TM2D1: variants seen among roughly 807,000 people sequenced by gnomAD.
TM2D1 encodes TM2 domain-containing protein 1.
TM2D1 carries 15 observed loss-of-function variants against 28.4 expected under a neutral mutation model. The observed-to-expected ratio is 0.53, with a 90% confidence interval of 0.35 to 0.81. The LOEUF (loss-of-function observed/expected upper bound fraction) is 0.81, where lower values mean the gene tolerates loss of function less well. TM2D1 is among the 40% of genes least tolerant of loss of function. The pLI is 0.01. For missense variants in TM2D1, 236 were observed against 254.9 expected, an observed-to-expected ratio of 0.93 and a Z score of 0.50; for synonymous variants, 93 against 96.2, an observed-to-expected ratio of 0.97 and a Z score of 0.20.
rs370152647 is a variant in TM2D1 at position 61,690,874 on chromosome 1, G to A, written c.513+3823C>T. ...AACATACTTTACCAGTCTGTTAAAT[G>A]TATTTATAAAATTCATAAATGTTTC... On this transcript the variant is annotated intron_variant, in intron 5 of 6. Transcript: ENST00000606498. Among the ~76,000 whole-genome samples the A allele has an allele frequency of 2.2e-4, 33 of 152,140 alleles. No homozygotes were observed. In the South Asian group the frequency reaches 5.0e-3, roughly 23 times the overall value.
At chr1:61,687,531 G>A (rs1644292681) in intron 5 of TM2D1, among the ~76,000 whole-genome samples, 1 of 151,992 alleles carries the variant, frequency 6.6e-6, no homozygotes, top group Non-Finnish European at 1.5e-5. Context: ...TATATACTTA[G>A]GTGGTATTCT....
At chr1:61,686,808 T>C in intron 5 of TM2D1, 2 of 972,608 alleles carry the variant, frequency 2.1e-6, no homozygotes, top group Non-Finnish European at 2.4e-6. Flanking sequence ...AAATATCCCA[T>C]ACTGGATGGG....
rs7528841 is a variant in TM2D1 at position 61,717,164 on chromosome 1, C to G, written c.238+6549G>C. On this transcript the variant is annotated intron_variant, in intron 2 of 6. Coordinates refer to ENST00000606498, the MANE Select transcript of TM2D1 (RefSeq NM_032027.3). ...GAGATCGAGACCATCCTGGCTAACA[C>G]GGTGAAACCCCTTCTCTACTAAAAA... 2.0e-5 allele frequency among the ~76,000 whole-genome samples: 3 copies of G among 151,404 alleles called. No individual in the cohort carries two copies. In the South Asian group the frequency reaches 6.3e-4, roughly 32 times the overall value.
intron 5 of TM2D1, among the ~76,000 whole-genome samples, chr1:61,690,222 C>T (rs1243407897): frequency 6.6e-6 from 1 of 151,930 alleles, no homozygotes; most frequent in Non-Finnish European, 1.5e-5. Flanking sequence ...TTTGGGAGGC[C>T]AAGGTGGGTG....
chr1:61,720,066 C>G (rs1221666350), intron 2 of TM2D1, among the ~76,000 whole-genome samples: 4 of 152,110 alleles, frequency 2.6e-5, no homozygotes, highest in Admixed American at 2.6e-4. Context: ...CTTAGATGCA[C>G]TTTTCTGTAA....
At chr1:61,713,754 A>T (rs1644496145) in intron 2 of TM2D1, among the ~76,000 whole-genome samples, 1 of 152,188 alleles carries the variant, frequency 6.6e-6, no homozygotes, top group East Asian at 1.9e-4. Context: ...TCTTAAAGAG[A>T]CAGTTGCAAT....
intron 3 of TM2D1, among the ~76,000 whole-genome samples, chr1:61,705,670 T>A (rs1314295455): frequency 1.3e-5 from 2 of 152,114 alleles, no homozygotes; most frequent in Admixed American, 1.3e-4. Flanking sequence ...GCTGCCTTAG[T>A]GGAAAGGACT....
chr1:61,690,456 C>CAAAAAAAAAAAAAAAAAAAAAAAAAAA (rs762550068), intron 5 of TM2D1, among the ~76,000 whole-genome samples: 8 of 60,048 alleles, frequency 1.3e-4, no homozygotes, highest in Admixed American at 2.6e-4. Context: ...GACTCAGTCT[C>CAAAAAAAAAAAAAAAAAAAAAAAAAAA]AAAAAAAAAA....
chr1:61,683,674 A>G, intron 5 of TM2D1, 128 bp from the exon 6 acceptor site: 1 of 519,786 alleles, frequency 1.9e-6, no homozygotes, highest in Non-Finnish European at 3.4e-6. Flanking sequence ...CCTAAGCAAA[A>G]ATAGGTAATT....
At chr1:61,700,894 TAG>T in intron 4 of TM2D1, 38 bp downstream of exon 4, 1 of 1,450,832 alleles carries the variant, frequency 6.9e-7, no homozygotes, top group Non-Finnish European at 9.5e-7. Flanking sequence ...AACTAAAATA[TAG>T]GTTTCATAAG....
chr1:61,714,902 T>C (rs1362465001), intron 2 of TM2D1, among the ~76,000 whole-genome samples: 2 of 152,152 alleles, frequency 1.3e-5, no homozygotes, highest in African/African-American at 4.8e-5. Context: ...TTTTGAGAGT[T>C]TTAGTTTTCA....
chr1:61,722,527 C>T, intron 2 of TM2D1, among the ~76,000 whole-genome samples: 1 of 151,948 alleles, frequency 6.6e-6, no homozygotes, highest in East Asian at 1.9e-4. Flanking sequence ...CATCACTGCA[C>T]CTGGCTAATT....
In TM2D1 at chr1:61,712,465, C is replaced by T. The variant is rs558933229; in HGVS notation, c.239-3028G>A. 1.4e-4 allele frequency among the ~76,000 whole-genome samples: 21 copies of T among 152,186 alleles called. No individual in the cohort carries two copies. The South Asian group carries it at 4.4e-3, about 32-fold the overall frequency. ...TCACTCTATTGCACAGGCTGGAGTG[C>T]CCTGGTGCGATCTCAGCTCACTGCA... is the stretch of plus-strand genomic sequence containing the variant. On this transcript the variant is annotated intron_variant, in intron 2 of 6. Coordinates refer to ENST00000606498, the MANE Select transcript of TM2D1 (RefSeq NM_032027.3).
chr1:61,700,638 A>G (rs1037098615), intron 4 of TM2D1, among the ~76,000 whole-genome samples: 1 of 152,212 alleles, frequency 6.6e-6, no homozygotes, highest in African/African-American at 2.4e-5. Flanking sequence ...TTAACTAAAC[A>G]TCCAGTGTGT....
chr1:61,706,862 G>T (rs1402732046), intron 3 of TM2D1, among the ~76,000 whole-genome samples: 2 of 143,144 alleles, frequency 1.4e-5, no homozygotes, highest in African/African-American at 5.5e-5. Flanking sequence ...AAGAAAGAAA[G>T]AAATAGTAAA....
At chr1:61,724,901 C>T (rs767545879) in intron 1 of TM2D1, 56 bp downstream of exon 1, 2 of 1,520,956 alleles carry the variant, frequency 1.3e-6, no homozygotes, top group African/African-American at 1.4e-5. Context: ...CAGCGACCCA[C>T]CTGCGACCCC....
chr1:61,719,193 G>C (rs907192219), intron 2 of TM2D1, among the ~76,000 whole-genome samples: 1 of 151,906 alleles, frequency 6.6e-6, no homozygotes, highest in African/African-American at 2.4e-5. Context: ...AAGTAGCTGG[G>C]ACTACACATG....
intron 4 of TM2D1, chr1:61,698,773 C>T (rs1206528324): frequency 1.3e-5 from 2 of 150,660 alleles, no homozygotes; most frequent in African/African-American, 2.4e-5. Context: ...AATGGGATCT[C>T]ACTATGTCAC....
intron 3 of TM2D1, among the ~76,000 whole-genome samples, chr1:61,706,064 C>T (rs1447190640): frequency 2.0e-5 from 3 of 152,196 alleles, no homozygotes; most frequent in Non-Finnish European, 4.4e-5. Context: ...AGCTGCACAG[C>T]AGCTGGCCTT....
Sources: allele counts gnomAD v4.1 joint callset (sites outside exome capture counted in the v4.1 genomes callset), GRCh38; gene constraint gnomAD v4.1.1; transcripts MANE v1.5; gene names NCBI Gene and HGNC (gene_info 2026-07-23, HGNC 2026-07-21).